Variants in CATSPERT observed in about 807,000 individuals in gnomAD.
CATSPERT encodes cation channel sperm-associated targeting subunit tau.
the CATSPERT span, among the ~76,000 whole-genome samples, chr2:201,591,677 G>C: frequency 6.6e-6 from 1 of 152,122 alleles, no homozygotes; most frequent in Non-Finnish European, 1.5e-5. Context: ...GTAGTTTGTA[G>C]TTCTCCTTGA....
At chr2:201,591,282 A>C in the CATSPERT span, among the ~76,000 whole-genome samples, 1 of 152,254 alleles carries the variant, frequency 6.6e-6, no homozygotes, top group African/African-American at 2.4e-5. Context: ...TTTGTCAAAG[A>C]TCAGATAGTT....
the CATSPERT span, among the ~76,000 whole-genome samples, chr2:201,528,747 G>A: frequency 6.6e-6 from 1 of 151,996 alleles, no homozygotes; most frequent in East Asian, 1.9e-4. Flanking sequence ...CAGATACCAG[G>A]GCCTACTTGA....
the CATSPERT span, among the ~76,000 whole-genome samples, chr2:201,586,684 TAC>T: frequency 6.6e-6 from 1 of 152,240 alleles, no homozygotes; most frequent in African/African-American, 2.4e-5. Flanking sequence ...GGTATTCTCT[TAC>T]AGTTTTTAAC....
chr2:201,573,620 C>T, the CATSPERT span, among the ~76,000 whole-genome samples: 1 of 152,124 alleles, frequency 6.6e-6, no homozygotes, highest in Non-Finnish European at 1.5e-5. Context: ...TTTCAAATTA[C>T]ATCAACATGT....
chr2:201,604,625 G>T, the CATSPERT span: 1 of 1,594,504 alleles, frequency 6.3e-7, no homozygotes, highest in Non-Finnish European at 8.5e-7. Flanking sequence ...TCCCCAAATG[G>T]CACCAAATTT....
chr2:201,501,334 G>C, the CATSPERT span, among the ~76,000 whole-genome samples: 1 of 139,994 alleles, frequency 7.1e-6, no homozygotes, highest in African/African-American at 2.7e-5. Context: ...GGTGGAGGTT[G>C]CAGTGAGCCA....
the CATSPERT span, among the ~76,000 whole-genome samples, chr2:201,559,038 G>C: frequency 6.6e-6 from 1 of 152,136 alleles, no homozygotes; most frequent in East Asian, 1.9e-4. Flanking sequence ...CCAAACTGCT[G>C]CATGCCCCCA....
At chr2:201,516,566 T>C in the CATSPERT span, among the ~76,000 whole-genome samples, 28 of 152,184 alleles carry the variant, frequency 1.8e-4, no homozygotes, top group Middle Eastern at 3.4e-3. Context: ...TAATTCGAGA[T>C]GAGATTTGGG....
chr2:201,594,046 G>C, the CATSPERT span, among the ~76,000 whole-genome samples: 2 of 152,192 alleles, frequency 1.3e-5, no homozygotes, highest in Non-Finnish European at 2.9e-5. Flanking sequence ...TATTTTGCTC[G>C]TTAGTTGATG....
the CATSPERT span, among the ~76,000 whole-genome samples, chr2:201,559,374 C>T: frequency 6.6e-6 from 1 of 152,224 alleles, no homozygotes; most frequent in Non-Finnish European, 1.5e-5. Flanking sequence ...CCAGCAGACA[C>T]ATCACCAGGC....
the CATSPERT span, chr2:201,492,623 A>T: frequency 6.6e-7 from 1 of 1,526,246 alleles, no homozygotes; most frequent in South Asian, 1.2e-5. Context: ...TTTTTTAGGA[A>T]ATAGTTTTGG....
chr2:201,578,032 TG>T, the CATSPERT span, among the ~76,000 whole-genome samples: 6 of 152,096 alleles, frequency 3.9e-5, no homozygotes, highest in Non-Finnish European at 7.4e-5. Flanking sequence ...AATTAATTTA[TG>T]GGCAAACAGA....
the CATSPERT span, among the ~76,000 whole-genome samples, chr2:201,617,614 A>C: frequency 1.3e-5 from 2 of 152,212 alleles, no homozygotes; most frequent in Non-Finnish European, 2.9e-5. Context: ...CCTAGAAGAA[A>C]ACCTAGCCAA....
At chr2:201,541,746 C>T in the CATSPERT span, among the ~76,000 whole-genome samples, 23 of 151,588 alleles carry the variant, frequency 1.5e-4, no homozygotes, top group East Asian at 3.9e-4. Context: ...CAGGCGTGAG[C>T]GACCACACCC....
chr2:201,605,084 A>AC, the CATSPERT span, among the ~76,000 whole-genome samples: 29 of 133,648 alleles, frequency 2.2e-4, no homozygotes, highest in Admixed American at 3.8e-4. Context: ...ACACATACAC[A>AC]AACATATATA....
chr2:201,572,091 C>T, the CATSPERT span: 1 of 1,089,484 alleles, frequency 9.2e-7, no homozygotes, highest in Non-Finnish European at 1.4e-6. Flanking sequence ...AATACCATAC[C>T]ATATTGATAC....
the CATSPERT span, among the ~76,000 whole-genome samples, chr2:201,575,034 C>CAAAAAAAAAAA: frequency 7.2e-4 from 70 of 97,902 alleles, no homozygotes; most frequent in African/African-American, 2.4e-3. Flanking sequence ...CACCATTTAG[C>CAAAAAAAAAAA]AAAAAAAAAA....
the CATSPERT span, among the ~76,000 whole-genome samples, chr2:201,551,624 A>G: frequency 2.0e-5 from 3 of 152,242 alleles, no homozygotes; most frequent in African/African-American, 7.2e-5. Context: ...ATTCACTTTT[A>G]ATGCCATGTG....
chr2:201,601,906 G>A, the CATSPERT span: 2 of 1,533,304 alleles, frequency 1.3e-6, no homozygotes, highest in South Asian at 1.2e-5. Flanking sequence ...ATGATATTCA[G>A]GAAATAAATT....
Sources: gnomAD v4.1 joint callset for allele counts (sites outside exome capture counted in the v4.1 genomes callset) on GRCh38, gnomAD v4.1.1 for gene constraint, MANE v1.5 for transcripts, NCBI Gene and HGNC (gene_info 2026-07-23, HGNC 2026-07-21) for gene names.